FLVCR2: variants seen among roughly 807,000 people sequenced by gnomAD.
FLVCR2 encodes FLVCR choline and putative heme transporter 2.
FLVCR2 carries 38 observed loss-of-function variants against 48.9 expected under a neutral mutation model. The ratio of observed to expected loss-of-function variants is 0.78; its 90% CI spans 0.60 to 1.02. The LOEUF (loss-of-function observed/expected upper bound fraction) is 1.02, where lower values mean the gene tolerates loss of function less well. FLVCR2 is among the 50% of genes least tolerant of loss of function. FLVCR2 has a pLI of 0.00. For missense variants in FLVCR2, 664 were observed against 663.3 expected (o/e 1.00, Z -0.01); for synonymous variants, 255 against 257.0 (o/e 0.99, Z 0.07).
At chr14:75,636,318 CG>C (rs1594814388) in intron 5 of FLVCR2, among the ~76,000 whole-genome samples, 1 of 152,298 alleles carries the variant, frequency 6.6e-6, no homozygotes, top group East Asian at 1.9e-4. Flanking sequence ...AGGGAGGTGG[CG>C]ACGAGGAGCC....
intron 3 of FLVCR2, among the ~76,000 whole-genome samples, chr14:75,625,835 C>T (rs1317895690): frequency 6.6e-6 from 1 of 151,874 alleles, no homozygotes. Flanking sequence ...ACTTCCAGTA[C>T]ACCTATGTGA....
chr14:75,643,452 G>A (rs917131090), intron 9 of FLVCR2, among the ~76,000 whole-genome samples: 2 of 152,094 alleles, frequency 1.3e-5, no homozygotes, highest in East Asian at 1.9e-4. Context: ...TCATATGAGC[G>A]CCAACACTGA....
At chr14:75,614,915 A>G (rs763772676) in intron 1 of FLVCR2, among the ~76,000 whole-genome samples, 7 of 152,226 alleles carry the variant, frequency 4.6e-5, no homozygotes, top group Non-Finnish European at 8.8e-5. Flanking sequence ...CACTACCATG[A>G]GAATACCATG....
intron 3 of FLVCR2, 56 bp from the exon 4 acceptor site, chr14:75,633,573 C>G (rs1484652135): frequency 2.2e-6 from 3 of 1,375,438 alleles, no homozygotes; most frequent in Non-Finnish European, 3.1e-6. Context: ...GAGAAGTTAG[C>G]AATGGCCCCA....
rs1195337468 is a variant in FLVCR2 at position 75,578,972 on chromosome 14, G to T, written c.-1G>T. On this transcript the variant is annotated 5_prime_UTR_variant, in exon 1 of 10. Transcript: ENST00000238667. The stretch of plus-strand genomic sequence containing the variant: ...CCAGGATTCCAGAGGAGACTGTGGC[G>T]ATGGTGAATGAAGGTCCCAACCAGG... The T allele has an allele frequency of 6.2e-7, 1 of 1,614,068 alleles. No homozygotes were observed. Among genetic ancestry groups the T allele is most frequent in the Non-Finnish European group, 8.5e-7 (1 of 1,179,948 alleles).
intron 9 of FLVCR2, among the ~76,000 whole-genome samples, chr14:75,645,040 GT>G (rs1890389000): frequency 3.4e-5 from 1 of 29,664 alleles, no homozygotes; most frequent in Non-Finnish European, 1.3e-4. Context: ...CGTGGTGTGT[GT>G]GTGTGTGTGT....
At chr14:75,644,050 A>G (rs1279899132) in intron 9 of FLVCR2, among the ~76,000 whole-genome samples, 28 of 151,700 alleles carry the variant, frequency 1.8e-4, no homozygotes, top group African/African-American at 6.0e-4. Flanking sequence ...AAAAAAAAAA[A>G]AGAGAGAGAG....
chr14:75,593,257 A>G (rs1014150813), intron 1 of FLVCR2, among the ~76,000 whole-genome samples: 4 of 152,194 alleles, frequency 2.6e-5, no homozygotes, highest in Non-Finnish European at 4.4e-5. Flanking sequence ...TCCTTGGTAC[A>G]AATTGTCTGT....
chr14:75,630,477 G>T (rs1350815314), intron 3 of FLVCR2, among the ~76,000 whole-genome samples: 1 of 152,152 alleles, frequency 6.6e-6, no homozygotes, highest in African/African-American at 2.4e-5. Flanking sequence ...TTCTGATTCA[G>T]TAGGTCTATG....
chr14:75,632,930 C>T (rs1890081148), intron 3 of FLVCR2: 2 of 702,214 alleles, frequency 2.8e-6, no homozygotes, highest in Admixed American at 2.0e-5. Context: ...TGAAGGGAGG[C>T]CAGGAGGCCT....
chr14:75,603,812 C>T (rs1445738229), intron 1 of FLVCR2, among the ~76,000 whole-genome samples: 2 of 152,188 alleles, frequency 1.3e-5, no homozygotes, highest in Non-Finnish European at 2.9e-5. Flanking sequence ...TGCCTGTGTG[C>T]TCCCACTCCC....
chr14:75,596,674 T>C (rs1192175957), intron 1 of FLVCR2, among the ~76,000 whole-genome samples: 1 of 152,116 alleles, frequency 6.6e-6, no homozygotes. Flanking sequence ...TCAGTGACAT[T>C]AAATGCATTT....
intron 1 of FLVCR2, among the ~76,000 whole-genome samples, chr14:75,581,661 A>G (rs930383698): frequency 6.6e-6 from 1 of 152,198 alleles, no homozygotes; most frequent in Admixed American, 6.5e-5. Flanking sequence ...ATCCAGTGAA[A>G]GTGTCTACCC....
chr14:75,580,553 G>A (rs1248115004), intron 1 of FLVCR2, among the ~76,000 whole-genome samples: 1 of 152,196 alleles, frequency 6.6e-6, no homozygotes, highest in Non-Finnish European at 1.5e-5. Context: ...GAGCAACAAG[G>A]CTGTTTATTT....
chr14:75,580,938 T>C (rs868541678), intron 1 of FLVCR2, among the ~76,000 whole-genome samples: 43 of 152,296 alleles, frequency 2.8e-4, no homozygotes, highest in Middle Eastern at 6.8e-3. Flanking sequence ...ATTCCTGTCT[T>C]CTTATATTAA....
intron 1 of FLVCR2, among the ~76,000 whole-genome samples, chr14:75,596,780 G>GCCCCCCCCCCC (rs35205012): frequency 2.6e-5 from 2 of 78,086 alleles, no homozygotes; most frequent in Non-Finnish European, 5.2e-5. Context: ...CTCCTCTTTT[G>GCCCCCCCCCCC]CCCCCCCCCC....
intron 6 of FLVCR2, 172 bp from the exon 7 acceptor site, chr14:75,640,783 G>A (rs571849939): frequency 3.0e-6 from 2 of 662,798 alleles, no homozygotes; most frequent in East Asian, 5.5e-5. Flanking sequence ...CTTCAGGGGT[G>A]CCCGTCTCCT....
At chr14:75,632,900 GTCA>G (rs763158271) in intron 3 of FLVCR2, 29 of 702,296 alleles carry the variant, frequency 4.1e-5, no homozygotes, top group South Asian at 2.1e-4. Flanking sequence ...AGCCGCCATT[GTCA>G]TCATCATCAT....
chr14:75,608,682 T>TGAAGATGTTGGAACCCTTAG (rs1889360372), intron 1 of FLVCR2, among the ~76,000 whole-genome samples: 1 of 152,226 alleles, frequency 6.6e-6, no homozygotes, highest in African/African-American at 2.4e-5. Flanking sequence ...ACAGCCCTTG[T>TGAAGATGTTGGAACCCTTAG]GAAGATGTTG....
Sources: gnomAD v4.1 joint callset for allele counts (sites outside exome capture counted in the v4.1 genomes callset) on GRCh38, gnomAD v4.1.1 for gene constraint, MANE v1.5 for transcripts, NCBI Gene and HGNC (gene_info 2026-07-23, HGNC 2026-07-21) for gene names.